The following PITPNA variants were observed in gnomAD, a reference collection of about 807,000 sequenced individuals.
PITPNA encodes the protein phosphatidylinositol transfer protein alpha isoform.
In PITPNA, 13 loss-of-function variants were observed where a neutral mutation model predicts 50.3. That is an observed-to-expected ratio of 0.26 (90% confidence interval 0.17 to 0.41). The LOEUF (loss-of-function observed/expected upper bound fraction) is 0.41, where lower values mean the gene tolerates loss of function less well. Ranked by LOEUF, PITPNA falls within the 10% of genes least tolerant of loss-of-function variation. The probability of loss-of-function intolerance (pLI) is 1.00; values close to 1 mark genes in which losing one functional copy is unlikely to be tolerated. For synonymous variants in PITPNA, 120 were observed against 119.6 expected, an observed-to-expected ratio of 1.00 and a Z score of -0.02; for missense variants, 207 against 333.4, an observed-to-expected ratio of 0.62 and a Z score of 2.95.
At chr17:1,559,711 C>T (rs573277519) in intron 1 of PITPNA, 1 of 946,832 alleles carries the variant, frequency 1.1e-6, no homozygotes, top group Non-Finnish European at 1.3e-6. Flanking sequence ...ACAAAGGTCC[C>T]CCAGGAAGCA....
chr17:1,545,942 T>C (rs957380568), intron 4 of PITPNA, among the ~76,000 whole-genome samples: 4 of 115,196 alleles, frequency 3.5e-5, no homozygotes, highest in Non-Finnish European at 7.2e-5. Context: ...TTTTTTTTTT[T>C]AATAAACGGA....
At chr17:1,540,083 C>T (rs1418215973) in intron 6 of PITPNA, among the ~76,000 whole-genome samples, 1 of 152,202 alleles carries the variant, frequency 6.6e-6, no homozygotes, top group East Asian at 1.9e-4. Flanking sequence ...CAGGTCAAAA[C>T]GCCTTCCGGA....
chr17:1,561,133 GCA>G (rs142203668), intron 1 of PITPNA: 23 of 150,540 alleles, frequency 1.5e-4, no homozygotes, highest in South Asian at 4.2e-4. Context: ...ACACGCACAC[GCA>G]CACACACACA....
Position 1,553,776 on chromosome 17 carries a change from C to T in PITPNA, c.52-627G>A, listed in dbSNP as rs138030258. On this transcript the variant is annotated intron_variant, in intron 2 of 11. Transcript: ENST00000313486. ...GCTCTGTGAAATCCGCAACCTCTAT[C>T]GTAAAACTGGCTCATCTACTCGCTT... Among the ~76,000 whole-genome samples the T allele has an allele frequency of 3.3e-3, 498 of 152,298 alleles. 5 individuals carry two copies. Among genetic ancestry groups the T allele is most frequent in the African/African-American group, 0.011 (456 of 41,574 alleles).
At chr17:1,524,575 A>G (rs773345718) in intron 10 of PITPNA, among the ~76,000 whole-genome samples, 1 of 152,098 alleles carries the variant, frequency 6.6e-6, no homozygotes, top group African/African-American at 2.4e-5. Flanking sequence ...CCCAATTTCT[A>G]TAATAATAAA....
At chr17:1,521,684 T>TGCTGATGGAACTCCTGCC (rs1555530226) in intron 10 of PITPNA, 39 bp from the exon 11 acceptor site, 1 of 1,572,938 alleles carries the variant, frequency 6.4e-7, no homozygotes, top group East Asian at 2.2e-5. Flanking sequence ...AGGCTCCTGC[T>TGCTGATGGAACTCCTGCC]GCTGATGGAA....
At chr17:1,539,189 CAG>C (rs748140125) in intron 6 of PITPNA, among the ~76,000 whole-genome samples, 4 of 152,154 alleles carry the variant, frequency 2.6e-5, no homozygotes, top group Non-Finnish European at 5.9e-5. Flanking sequence ...GGAGTGATCA[CAG>C]CACACTCTAG....
At position 1,558,926 on chromosome 17, in the gene PITPNA, G is replaced by A. The variant is rs550244255; in HGVS notation, c.21-367C>T. Among the ~76,000 whole-genome samples the A allele has an allele frequency of 2.1e-4, 32 of 151,992 alleles. 1 individual carries two copies. The highest frequency in any genetic ancestry group is 4.1e-4 in the Non-Finnish European group (28 of 68,010). ...AGGCCTCCACCTCACATTCGGAACT[G>A]GACATATGGATGATAAACTTCACCC... On this transcript the variant is annotated intron_variant, in intron 1 of 11. Coordinates refer to ENST00000313486, the MANE Select transcript of PITPNA (RefSeq NM_006224.4).
intron 2 of PITPNA, among the ~76,000 whole-genome samples, chr17:1,558,266 C>T (rs2075748707): frequency 6.7e-6 from 1 of 150,228 alleles, no homozygotes; most frequent in Non-Finnish European, 1.5e-5. Flanking sequence ...CAGACATGCA[C>T]AGCCCCAGCA....
rs1348373292 is a variant in PITPNA at position 1,520,062 on chromosome 17, G to C, written c.*499C>G. ...TATTTTGTGGAAGCGGTGCGGGGCA[G>C]GGAAACATTGTATCTTTAGCTCATC... On this transcript the variant is annotated 3_prime_UTR_variant, in exon 12 of 12. Transcript: ENST00000313486. 1 of 152,210 alleles carries C rather than the reference G, an allele frequency of 6.6e-6. No individual in the cohort carries two copies. The allele number at this position is 152,210 out of a possible 1,614,324, so 9.4% of individuals were successfully genotyped here.
chr17:1,540,758 T>C (rs932634766), intron 6 of PITPNA, among the ~76,000 whole-genome samples: 4 of 152,164 alleles, frequency 2.6e-5, no homozygotes, highest in Admixed American at 2.0e-4. Flanking sequence ...CTGGCTGTTT[T>C]GTATTTTTAG....
intron 6 of PITPNA, among the ~76,000 whole-genome samples, chr17:1,540,239 G>T (rs1318636775): frequency 6.6e-6 from 1 of 152,208 alleles, no homozygotes. Flanking sequence ...GCAACATGCT[G>T]ATTATTTTGA....
chr17:1,556,355 C>T (rs1327732499), intron 2 of PITPNA, among the ~76,000 whole-genome samples: 4 of 152,172 alleles, frequency 2.6e-5, no homozygotes, highest in South Asian at 2.1e-4. Context: ...TACTCAACTC[C>T]GCCCCACCAC....
chr17:1,537,197 G>A (rs1226085231), intron 7 of PITPNA, among the ~76,000 whole-genome samples: 1 of 151,988 alleles, frequency 6.6e-6, no homozygotes, highest in South Asian at 2.1e-4. Flanking sequence ...CTAAGTAGCT[G>A]GGATTACAGG....
At chr17:1,556,750 G>A (rs1200629644) in intron 2 of PITPNA, among the ~76,000 whole-genome samples, 1 of 152,090 alleles carries the variant, frequency 6.6e-6, no homozygotes, top group Non-Finnish European at 1.5e-5. Context: ...GGCAAGGGAC[G>A]CGCTGGGCTT....
chr17:1,529,923 CATT>C (rs1369017058), intron 10 of PITPNA, among the ~76,000 whole-genome samples: 1 of 151,972 alleles, frequency 6.6e-6, no homozygotes, highest in Non-Finnish European at 1.5e-5. Context: ...TTCTGAATCT[CATT>C]ATCTAAAGAG....
rs959648750 is a variant in PITPNA, at chr17:1,554,473, G to T, written c.52-1324C>A. 5.5e-5 allele frequency among the ~76,000 whole-genome samples: 8 copies of T among 145,368 alleles called. 1 individual carries two copies. The highest frequency in any genetic ancestry group is 3.6e-4 in the Admixed American group (5 of 13,872). ...GGTCACTGCAACCTCCGCCTCCTGG[G>T]TTCAAGTGATTCTCCTGCCTCCTGC... On this transcript the variant is annotated intron_variant, in intron 2 of 11. Transcript: ENST00000313486.
chr17:1,534,114 C>G lies in PITPNA; in HGVS notation c.753G>C (p.Lys251Asn), dbSNP rs772734963. The G allele has an allele frequency of 6.2e-7, 1 of 1,613,856 alleles. No individual in the cohort carries two copies. The highest frequency in any genetic ancestry group is 1.1e-5 in the South Asian group (1 of 91,054). The part of the protein sequence containing the change: ...DDIRRMEEET[K>N]RQLDEMRQKD... ...CCCCACTTACTTCATCCAGCTGTCTCTTCGTCTCTTCTTCCATCCTTCGAA... is the reference window on the plus strand; with the variant it reads ...CCCCACTTACTTCATCCAGCTGTCTGTTCGTCTCTTCTTCCATCCTTCGAA... The change falls in exon 10 of 12, where the codon AAG becomes AAC. Residue 251 changes from lysine (K) to asparagine (N), a missense_variant. Transcript: ENST00000313486.
At chr17:1,542,275 T>G (rs1270656582) in intron 5 of PITPNA, among the ~76,000 whole-genome samples, 1 of 151,452 alleles carries the variant, frequency 6.6e-6, no homozygotes, top group African/African-American at 2.4e-5. Flanking sequence ...TCAGAATCCA[T>G]GCATTTAGCC....
Sources: gnomAD v4.1 joint callset for allele counts (sites outside exome capture counted in the v4.1 genomes callset) on GRCh38, gnomAD v4.1.1 for gene constraint, MANE v1.5 for transcripts, NCBI Gene and HGNC (gene_info 2026-07-23, HGNC 2026-07-21) for gene names.